CSN3: variants seen among roughly 807,000 people sequenced by gnomAD.
The protein encoded by CSN3 is kappa-casein.
In CSN3, 7 loss-of-function variants were observed where a neutral mutation model predicts 9.9. That is an observed-to-expected ratio of 0.71 (90% CI 0.40 to 1.33). The LOEUF (loss-of-function observed/expected upper bound fraction) is 1.33. CSN3 is among the 40% of genes most tolerant of loss of function. CSN3 has a pLI of 0.01. For synonymous variants in CSN3, 88 were observed against 82.3 expected (o/e 1.07, Z -0.37); for missense variants, 253 against 227.9 (o/e 1.11, Z -0.71).
intron 3 of CSN3, 22 bp from the exon 4 acceptor site, chr4:70,248,976 G>C (rs1293248166): frequency 6.7e-7 from 1 of 1,500,472 alleles, no homozygotes; most frequent in South Asian, 1.3e-5. Flanking sequence ...ATAATATTCT[G>C]TATAATTTAT....
At chr4:70,247,872 C>T (rs1229729215) in intron 3 of CSN3, 22 bp downstream of exon 3, 1 of 1,583,796 alleles carries the variant, frequency 6.3e-7, no homozygotes, top group East Asian at 2.3e-5. Flanking sequence ...TTAATTACTT[C>T]TGTTACAGGC....
upstream of CSN3, among the ~76,000 whole-genome samples, chr4:70,239,222 G>GA (rs58238362): frequency 4.0e-5 from 6 of 149,760 alleles, no homozygotes; most frequent in African/African-American, 1.2e-4. Context: ...ACTCGAGGGG[G>GA]AAAAAAAAAG....
upstream of CSN3, among the ~76,000 whole-genome samples, chr4:70,238,578 T>C (rs116511835): frequency 0.04 from 6,109 of 152,012 alleles, 406 homozygotes; most frequent in African/African-American, 0.14. Context: ...ATCAGATATA[T>C]GTTAAAAATA....
At chr4:70,244,781 T>A in intron 1 of CSN3, 31 bp from the exon 2 acceptor site, 1 of 1,341,740 alleles carries the variant, frequency 7.5e-7, no homozygotes, top group Non-Finnish European at 1.0e-6. Flanking sequence ...CAAATTCTTT[T>A]AAATTAATTT....
chr4:70,239,427 G>A (rs1730230064), upstream of CSN3, among the ~76,000 whole-genome samples: 1 of 151,776 alleles, frequency 6.6e-6, no homozygotes, highest in African/African-American at 2.4e-5. Flanking sequence ...GGATTATAGG[G>A]GGTCTTGGGT....
At chr4:70,245,753 A>G (rs1052566998) in intron 2 of CSN3, among the ~76,000 whole-genome samples, 37 of 152,132 alleles carry the variant, frequency 2.4e-4, no homozygotes, top group Non-Finnish European at 1.5e-5. Flanking sequence ...TTAAGTTAAC[A>G]TCTATTAATT....
chr4:70,249,248 T>G, exon 4 of CSN3: 2 of 1,614,088 alleles, frequency 1.2e-6, no homozygotes, highest in Non-Finnish European at 1.7e-6. Flanking sequence ...CGCCCAAACC[T>G]GCATCCATCA....
Position 70,244,866 on chromosome 4 carries a change from C to CT in CSN3, c.53dup (p.Leu18PhefsTer15). ...GTCAATGCCCTGGCATTAACCCTGC[C>CT]TTTTTTGGTAAGTTAATTTCATCTA... On this transcript the variant is annotated frameshift_variant, in exon 2 of 5. Coordinates refer to ENST00000304954, the Ensembl canonical transcript of CSN3. LOFTEE classifies it high-confidence loss of function. 2.6e-6 allele frequency: 4 copies of CT among 1,565,192 alleles called. No homozygotes were observed. Among genetic ancestry groups the CT allele is most frequent in the South Asian group, 2.5e-5 (2 of 79,162 alleles).
chr4:70,242,976 C>T (rs777800), intron 1 of CSN3, among the ~76,000 whole-genome samples: 91,392 of 151,934 alleles, frequency 0.6, 27,654 homozygotes, highest in Middle Eastern at 0.71. Context: ...GAGTTAACTC[C>T]ACAGGAAGTT....
rs79660442 is a variant in CSN3 at position 70,249,475 on chromosome 4, A to G, written c.*16A>G. 18 of 1,582,034 alleles carry G rather than the reference A, an allele frequency of 1.1e-5. No individual in the cohort carries two copies. The African/African-American group carries it at 1.5e-4, about 13-fold the overall frequency. ...TACGGCATAAAAACACCAAGGAAAT[A>G]TCAAAGAACACAACGCAGGTAAATT... On this transcript the variant is annotated 3_prime_UTR_variant, in exon 4 of 5. Transcript: ENST00000304954.
At chr4:70,248,114 T>C (rs1296201077) in intron 3 of CSN3, among the ~76,000 whole-genome samples, 1 of 152,172 alleles carries the variant, frequency 6.6e-6, no homozygotes, top group African/African-American at 2.4e-5. Flanking sequence ...GAAAACTCTT[T>C]CAACATTTCA....
upstream of CSN3, among the ~76,000 whole-genome samples, chr4:70,238,713 G>A (rs934301217): frequency 6.6e-6 from 1 of 151,796 alleles, no homozygotes. Flanking sequence ...AGCAACAAAG[G>A]TCAGATTAGA....
intron 2 of CSN3, 41 bp from the exon 3 acceptor site, chr4:70,247,777 T>C: frequency 6.5e-7 from 1 of 1,545,050 alleles, no homozygotes; most frequent in Non-Finnish European, 8.8e-7. Flanking sequence ...TTTTTCTTTT[T>C]TAACTTATTT....
At chr4:70,251,343 C>G (rs1730478649) in exon 5 of CSN3, 3 of 152,178 alleles carry the variant, frequency 2.0e-5, no homozygotes, top group Admixed American at 2.0e-4. Context: ...GTGATTTTCA[C>G]AGATTCAGCT....
exon 4 of CSN3, chr4:70,249,145 A>G: frequency 6.2e-7 from 1 of 1,614,088 alleles, no homozygotes; most frequent in Non-Finnish European, 8.5e-7. Context: ...TGTGCCTCGC[A>G]CATATTATGC....
At chr4:70,245,135 G>A (rs13122200) in intron 2 of CSN3, among the ~76,000 whole-genome samples, 16,521 of 151,940 alleles carry the variant, frequency 0.11, 972 homozygotes, top group Non-Finnish European at 0.14. Context: ...TCATGCTATA[G>A]AGAAAATACA....
At chr4:70,243,136 G>T (rs544439340) in intron 1 of CSN3, 1 of 924,630 alleles carries the variant, frequency 1.1e-6, no homozygotes. Flanking sequence ...ACCATTTCAC[G>T]AATTATTTCT....
intron 2 of CSN3, 83 bp from the exon 3 acceptor site, chr4:70,247,735 A>G (rs897377501): frequency 8.4e-7 from 1 of 1,189,384 alleles, no homozygotes; most frequent in African/African-American, 1.6e-5. Flanking sequence ...TCTTTAACAC[A>G]AAAGATTTTT....
chr4:70,243,213 T>C (rs1730307002), intron 1 of CSN3: 1 of 955,460 alleles, frequency 1.0e-6, no homozygotes, highest in Non-Finnish European at 1.2e-6. Flanking sequence ...ATCTCTGTGA[T>C]TTTTGTTTGT....
Sources: gnomAD v4.1 joint callset for allele counts (sites outside exome capture counted in the v4.1 genomes callset) on GRCh38, gnomAD v4.1.1 for gene constraint, MANE v1.5 for transcripts, NCBI Gene and HGNC (gene_info 2026-07-23, HGNC 2026-07-21) for gene names.